PDZRN4: variants seen among roughly 807,000 people sequenced by gnomAD.
The protein encoded by PDZRN4 is PDZ domain-containing RING finger protein 4.
Under a neutral mutation model 99.0 loss-of-function variants are expected in PDZRN4, and 70 were observed. The ratio of observed to expected loss-of-function variants is 0.71; its 90% CI spans 0.58 to 0.86. The LOEUF (loss-of-function observed/expected upper bound fraction) is 0.86, where lower values mean the gene tolerates loss of function less well. Ranked by LOEUF, PDZRN4 falls within the 40% of genes least tolerant of loss-of-function variation. The pLI is 0.00. For missense variants in PDZRN4, 1,474 were observed against 1,331.2 expected, an observed-to-expected ratio of 1.11 and a Z score of -1.67; for synonymous variants, 551 against 501.6, an observed-to-expected ratio of 1.10 and a Z score of -1.32.
chr12:41,377,924 G>A (rs1307630791), intron 3 of PDZRN4, among the ~76,000 whole-genome samples: 1 of 152,052 alleles, frequency 6.6e-6, no homozygotes, highest in Non-Finnish European at 1.5e-5. Flanking sequence ...CATATTATAT[G>A]CAAATAGAGA....
intron 3 of PDZRN4, among the ~76,000 whole-genome samples, chr12:41,432,255 C>T (rs12300549): frequency 0.095 from 14,422 of 152,192 alleles, 1,783 homozygotes; most frequent in African/African-American, 0.27. Flanking sequence ...TACCTGTCAC[C>T]GATGTTTTTC....
chr12:41,274,684 C>T, intron 3 of PDZRN4, among the ~76,000 whole-genome samples: 1 of 152,144 alleles, frequency 6.6e-6, no homozygotes, highest in Non-Finnish European at 1.5e-5. Context: ...CCTGCTTCTT[C>T]TTCAGATGAT....
intron 3 of PDZRN4, among the ~76,000 whole-genome samples, chr12:41,373,205 C>A (rs578095579): frequency 6.6e-6 from 1 of 152,068 alleles, no homozygotes; most frequent in South Asian, 2.1e-4. Flanking sequence ...ACCACAGGAC[C>A]GGGGTGAAAT....
intron 5 of PDZRN4, among the ~76,000 whole-genome samples, chr12:41,549,325 C>T (rs1310172023): frequency 3.3e-5 from 5 of 152,160 alleles, no homozygotes; most frequent in African/African-American, 1.2e-4. Context: ...GAAGGGAATA[C>T]TTAATTAAAC....
intron 3 of PDZRN4, among the ~76,000 whole-genome samples, chr12:41,293,614 G>C (rs1360350787): frequency 6.6e-6 from 1 of 152,050 alleles, no homozygotes; most frequent in African/African-American, 2.4e-5. Flanking sequence ...CATATCCCTG[G>C]TATGTTGTAC....
chr12:41,264,058 A>G (rs1332780430), intron 3 of PDZRN4, among the ~76,000 whole-genome samples: 1 of 152,228 alleles, frequency 6.6e-6, no homozygotes, highest in Non-Finnish European at 1.5e-5. Flanking sequence ...CAATATGTGC[A>G]GACTTATAAA....
intron 3 of PDZRN4, among the ~76,000 whole-genome samples, chr12:41,310,956 G>A (rs1291595447): frequency 1.3e-5 from 2 of 152,024 alleles, no homozygotes; most frequent in Non-Finnish European, 2.9e-5. Context: ...TCTACTATCA[G>A]CTTTCTCTGA....
chr12:41,267,085 T>C (rs1951282859), intron 3 of PDZRN4, among the ~76,000 whole-genome samples: 1 of 152,142 alleles, frequency 6.6e-6, no homozygotes, highest in Non-Finnish European at 1.5e-5. Context: ...AAACTGCTAG[T>C]TAAAAATAAC....
intron 3 of PDZRN4, among the ~76,000 whole-genome samples, chr12:41,330,843 T>C (rs1951737454): frequency 6.6e-6 from 1 of 152,130 alleles, no homozygotes; most frequent in African/African-American, 2.4e-5. Context: ...TGACTTTGTA[T>C]GCATTCAATG....
chr12:41,513,006 G>A (rs1001995172), intron 5 of PDZRN4, among the ~76,000 whole-genome samples: 2 of 151,944 alleles, frequency 1.3e-5, no homozygotes, highest in Admixed American at 6.6e-5. Flanking sequence ...CAAACTATGC[G>A]GCTATTTAGG....
chr12:41,519,692 G>A (rs1288568871), intron 5 of PDZRN4, among the ~76,000 whole-genome samples: 1 of 152,034 alleles, frequency 6.6e-6, no homozygotes, highest in Non-Finnish European at 1.5e-5. Context: ...CCAAGTCTGG[G>A]TGTAGGGCCT....
At chr12:41,268,036 C>T (rs1007846879) in intron 3 of PDZRN4, among the ~76,000 whole-genome samples, 41 of 152,288 alleles carry the variant, frequency 2.7e-4, no homozygotes, top group African/African-American at 9.9e-4. Context: ...TTAAATTCAA[C>T]AAATATTTAT....
At chr12:41,248,094 T>A (rs1245248884) in intron 3 of PDZRN4, among the ~76,000 whole-genome samples, 1 of 152,220 alleles carries the variant, frequency 6.6e-6, no homozygotes, top group African/African-American at 2.4e-5. Context: ...TTTGTTCTGA[T>A]ATTTAAACCG....
In PDZRN4 at chr12:41,572,298, A is replaced by C; in HGVS notation, c.1585-66A>C. On this transcript the variant is annotated intron_variant, in intron 9 of 9. Coordinates refer to ENST00000402685, the MANE Select transcript of PDZRN4 (RefSeq NM_001164595.2). ...CAGGAAACATTGGTTTTCAAACAAG[A>C]TTTTTAATAACAAATGTCTTCCAAA... 4 of 1,397,852 alleles carry C rather than the reference A, an allele frequency of 2.9e-6. No homozygotes were observed. In the South Asian group the frequency reaches 5.6e-5, roughly 20 times the overall value. The allele number at this position is 1,397,852 out of a possible 1,614,324, so 86.6% of individuals were successfully genotyped here. A position where few individuals can be genotyped will look rare whatever the true frequency, so the allele number is the denominator to read the frequency against.
At chr12:41,266,990 C>T (rs11614877) in intron 3 of PDZRN4, among the ~76,000 whole-genome samples, 15,100 of 152,130 alleles carry the variant, frequency 0.099, 859 homozygotes, top group East Asian at 0.17. Flanking sequence ...TACAGTTAGA[C>T]GACCAGCCCA....
intron 3 of PDZRN4, among the ~76,000 whole-genome samples, chr12:41,347,962 G>T (rs1426294236): frequency 6.6e-6 from 1 of 152,036 alleles, no homozygotes; most frequent in Non-Finnish European, 1.5e-5. Context: ...GAGGGATTTT[G>T]CCTAATAAGG....
intron 2 of PDZRN4, among the ~76,000 whole-genome samples, chr12:41,192,407 T>C (rs1267474197): frequency 6.6e-6 from 1 of 152,216 alleles, no homozygotes; most frequent in Non-Finnish European, 1.5e-5. Context: ...GCCTTTATTT[T>C]TGAGAAAAAC....
At chr12:41,214,581 G>GA (rs773024531) in intron 3 of PDZRN4, among the ~76,000 whole-genome samples, 7 of 151,796 alleles carry the variant, frequency 4.6e-5, no homozygotes, top group Non-Finnish European at 8.8e-5. Flanking sequence ...ATGTTAAAAA[G>GA]AAAAATGTGT....
chr12:41,196,345 A>G (rs371378584), intron 3 of PDZRN4, among the ~76,000 whole-genome samples: 1 of 151,996 alleles, frequency 6.6e-6, no homozygotes, highest in Non-Finnish European at 1.5e-5. Flanking sequence ...AATGATATAG[A>G]TTTTTCAATG....
Sources: gnomAD v4.1 joint callset for allele counts (sites outside exome capture counted in the v4.1 genomes callset) on GRCh38, gnomAD v4.1.1 for gene constraint, MANE v1.5 for transcripts, NCBI Gene and HGNC (gene_info 2026-07-23, HGNC 2026-07-21) for gene names.